The following ADCY2 variants were observed in gnomAD, a reference collection of about 807,000 sequenced individuals.
ADCY2 encodes adenylate cyclase type 2.
ADCY2 carries 31 observed loss-of-function variants against 125.2 expected under a neutral mutation model. That is an observed-to-expected ratio of 0.25 (90% CI 0.19 to 0.33). The LOEUF (loss-of-function observed/expected upper bound fraction) is 0.33. ADCY2 is among the 10% of genes least tolerant of loss of function. The pLI is 1.00. For synonymous variants in ADCY2, 512 were observed against 548.4 expected (o/e 0.93, Z 0.93); for missense variants, 904 against 1,418.2 (o/e 0.64, Z 5.82).
At chr5:7,648,106 C>T (rs1579274849) in intron 4 of ADCY2, among the ~76,000 whole-genome samples, 1 of 152,302 alleles carries the variant, frequency 6.6e-6, no homozygotes, top group African/African-American at 2.4e-5. Flanking sequence ...GTATTATTTT[C>T]AATCTGTTAG....
At chr5:7,819,750 T>C (rs558666206) in intron 23 of ADCY2, among the ~76,000 whole-genome samples, 1 of 152,320 alleles carries the variant, frequency 6.6e-6, no homozygotes, top group East Asian at 1.9e-4. Flanking sequence ...GGAAGAATAA[T>C]ATTGCCAACA....
In ADCY2 at chr5:7,757,572, G is replaced by A. The variant is rs1165116569; in HGVS notation, c.2080G>A (p.Ala694Thr). 6.4e-7 allele frequency: 1 copy of A among 1,565,910 alleles called. No homozygotes were observed. The highest frequency in any genetic ancestry group is 8.7e-7 in the Non-Finnish European group (1 of 1,144,096). ...CACCACAGCCATCATATTAATGATG[G>A]CCGTGTTCAACATGGTAAGTCCCAG... ...IITTAIILMM[A>T]VFNMFFLSDS... is the part of the protein sequence containing the mutation. The change falls in exon 16 of 25, where the codon GCC becomes ACC. Residue 694 changes from alanine (A) to threonine (T), a missense_variant. Physicochemically the swap from Ala to Thr is moderately conservative, Grantham distance 58. Transcript: ENST00000338316.
chr5:7,719,586 T>C (rs1026780180), intron 12 of ADCY2, among the ~76,000 whole-genome samples: 1 of 152,204 alleles, frequency 6.6e-6, no homozygotes, highest in African/African-American at 2.4e-5. Flanking sequence ...ATTCATTCAC[T>C]GATGTGTTGA....
At chr5:7,626,045 G>A in intron 3 of ADCY2, 122 bp from the exon 4 acceptor site, 2 of 1,095,446 alleles carry the variant, frequency 1.8e-6, no homozygotes, top group East Asian at 2.5e-5. Flanking sequence ...TTTGGAAACA[G>A]AAGTAAAATT....
At chr5:7,618,479 A>G (rs17828481) in intron 3 of ADCY2, among the ~76,000 whole-genome samples, 12,518 of 152,242 alleles carry the variant, frequency 0.082, 661 homozygotes, top group Middle Eastern at 0.14. Flanking sequence ...GGAATACTCC[A>G]CATGTTCACC....
At chr5:7,633,315 C>T (rs552087232) in intron 4 of ADCY2, among the ~76,000 whole-genome samples, 18 of 151,552 alleles carry the variant, frequency 1.2e-4, no homozygotes, top group African/African-American at 4.4e-4. Context: ...CCTGGAATCC[C>T]AGCTACTCTA....
At chr5:7,512,871 C>T (rs1292243719) in intron 2 of ADCY2, among the ~76,000 whole-genome samples, 1 of 152,010 alleles carries the variant, frequency 6.6e-6, no homozygotes, top group Non-Finnish European at 1.5e-5. Context: ...GCATTGAGAC[C>T]TGAACTGCTG....
chr5:7,544,463 C>T (rs181701353), intron 3 of ADCY2, among the ~76,000 whole-genome samples: 9 of 152,314 alleles, frequency 5.9e-5, no homozygotes, highest in African/African-American at 1.7e-4. Context: ...TCTACCCTCA[C>T]GTCTCCAATT....
chr5:7,816,591 C>T (rs146653925), intron 22 of ADCY2, among the ~76,000 whole-genome samples: 3 of 152,382 alleles, frequency 2.0e-5, no homozygotes, highest in Non-Finnish European at 4.4e-5. Context: ...TAATACGATA[C>T]AGGTTCCCCG....
intron 2 of ADCY2, among the ~76,000 whole-genome samples, chr5:7,451,362 T>C (rs1040226307): frequency 1.3e-5 from 2 of 152,110 alleles, no homozygotes; most frequent in African/African-American, 4.8e-5. Context: ...GTTCAATGCA[T>C]GGAGGAAGTA....
intron 4 of ADCY2, among the ~76,000 whole-genome samples, chr5:7,687,680 G>A (rs181343871): frequency 6.6e-6 from 1 of 152,286 alleles, no homozygotes; most frequent in Admixed American, 6.5e-5. Flanking sequence ...TTCATTAGCG[G>A]ACACACAGGA....
chr5:7,641,984 A>G (rs151300181), intron 4 of ADCY2, among the ~76,000 whole-genome samples: 1 of 152,348 alleles, frequency 6.6e-6, no homozygotes, highest in East Asian at 1.9e-4. Flanking sequence ...TGCAATGAAC[A>G]TATGAGTACA....
intron 3 of ADCY2, among the ~76,000 whole-genome samples, chr5:7,538,034 C>T (rs1188876136): frequency 1.3e-5 from 2 of 152,198 alleles, no homozygotes; most frequent in African/African-American, 2.4e-5. Flanking sequence ...TCATAATTCT[C>T]CTCTCACCTG....
chr5:7,470,628 G>GTA (rs1056334061), intron 2 of ADCY2, among the ~76,000 whole-genome samples: 3 of 116,512 alleles, frequency 2.6e-5, no homozygotes, highest in Non-Finnish European at 5.5e-5. Context: ...AAAAACTACT[G>GTA]TATATATGTG....
rs374212669 is a variant in ADCY2 at position 7,765,331 on chromosome 5, T to A, written c.2095-1356T>A. Among the ~76,000 whole-genome samples the A allele has an allele frequency of 2.0e-4, 31 of 152,326 alleles. No homozygotes were observed. In the South Asian group the frequency reaches 6.4e-3, roughly 32 times the overall value. ...GGTCTATCAAATCTAAATCTAAATC[T>A]GTACCCTTTTGGAGCCTGATGTTTG... On this transcript the variant is annotated intron_variant, in intron 16 of 24. Transcript: ENST00000338316.
intron 2 of ADCY2, among the ~76,000 whole-genome samples, chr5:7,469,629 T>G (rs991651149): frequency 1.3e-5 from 2 of 151,886 alleles, no homozygotes; most frequent in African/African-American, 4.8e-5. Flanking sequence ...TTATTTCATT[T>G]ATCCTATTCT....
In ADCY2 at chr5:7,731,376, C is replaced by T. The variant is rs899107304; in HGVS notation, c.1871+4115C>T. 4.0e-5 allele frequency among the ~76,000 whole-genome samples: 6 copies of T among 151,322 alleles called. 1 individual carries two copies. On this transcript the variant is annotated intron_variant, in intron 14 of 24. Coordinates refer to ENST00000338316, the MANE Select transcript of ADCY2 (RefSeq NM_020546.3). ...GTTCAAGCAGTTCTCCTGTCTCAGCCTCCTGAGTAGCTCGGATTGCAGGCG... is the reference window on the plus strand; with the variant it reads ...GTTCAAGCAGTTCTCCTGTCTCAGCTTCCTGAGTAGCTCGGATTGCAGGCG...
intron 18 of ADCY2, among the ~76,000 whole-genome samples, chr5:7,782,949 C>CAG (rs1388533283): frequency 6.6e-6 from 1 of 152,186 alleles, no homozygotes; most frequent in Non-Finnish European, 1.5e-5. Flanking sequence ...GCTTCATTCT[C>CAG]AGAGAGAAAT....
intron 5 of ADCY2, among the ~76,000 whole-genome samples, chr5:7,694,845 A>G (rs925922502): frequency 2.0e-5 from 3 of 152,128 alleles, no homozygotes; most frequent in African/African-American, 7.2e-5. Flanking sequence ...TTGAGGACCG[A>G]ACATATTGTT....
Sources: allele counts gnomAD v4.1 joint callset (sites outside exome capture counted in the v4.1 genomes callset), GRCh38; gene constraint gnomAD v4.1.1; transcripts MANE v1.5; gene names NCBI Gene and HGNC (gene_info 2026-07-23, HGNC 2026-07-21).